CPT1A: variants seen among roughly 807,000 people sequenced by gnomAD.
CPT1A encodes carnitine palmitoyltransferase 1A, also known as carnitine O-palmitoyltransferase 1, liver isoform.
CPT1A carries 64 observed loss-of-function variants against 100.8 expected under a neutral mutation model. The observed-to-expected ratio is 0.63, with a 90% CI of 0.52 to 0.78. CPT1A has a LOEUF of 0.78. Ranked by LOEUF, CPT1A falls within the 30% of genes least tolerant of loss-of-function variation. CPT1A has a pLI of 0.00. For synonymous variants in CPT1A, 363 were observed against 396.0 expected, an observed-to-expected ratio of 0.92 and a Z score of 0.99; for missense variants, 802 against 1,034.1, an observed-to-expected ratio of 0.78 and a Z score of 3.08.
intron 10 of CPT1A, 33 bp downstream of exon 10, chr11:68,784,782 C>T (rs745883990): frequency 3.8e-6 from 6 of 1,598,252 alleles, no homozygotes; most frequent in East Asian, 2.2e-5. Flanking sequence ...TCCACCACCC[C>T]CCAAAACAGG....
chr11:68,833,020 C>A (rs1168131125), intron 1 of CPT1A, among the ~76,000 whole-genome samples: 1 of 152,204 alleles, frequency 6.6e-6, no homozygotes, highest in South Asian at 2.1e-4. Context: ...TTCTTGGATG[C>A]CCGGGTGACC....
intron 1 of CPT1A, among the ~76,000 whole-genome samples, chr11:68,828,124 C>G (rs1856780329): frequency 6.6e-6 from 1 of 152,186 alleles, no homozygotes. Flanking sequence ...CCTGCCTGCT[C>G]TACCAAAGTT....
chr11:68,779,142 G>A (rs982341740), intron 12 of CPT1A, among the ~76,000 whole-genome samples: 4 of 152,114 alleles, frequency 2.6e-5, no homozygotes, highest in South Asian at 2.1e-4. Context: ...CAAGAACAGC[G>A]AGGTGCTCAG....
At chr11:68,763,324 T>G (rs1294912689) in intron 14 of CPT1A, among the ~76,000 whole-genome samples, 1 of 146,592 alleles carries the variant, frequency 6.8e-6, no homozygotes, top group Non-Finnish European at 1.5e-5. Flanking sequence ...CACCCCCGAG[T>G]CCAACACACC....
At chr11:68,773,612 G>T (rs1480956308) in intron 13 of CPT1A, 183 bp from the exon 14 acceptor site, 2 of 1,069,326 alleles carry the variant, frequency 1.9e-6, no homozygotes, top group Non-Finnish European at 2.7e-6. Context: ...CCCCGGAGGA[G>T]CAGCTGCAAT....
chr11:68,761,532 T>G lies in CPT1A; in HGVS notation c.2028+3A>C, dbSNP rs756306465. 9.3e-6 allele frequency: 15 copies of G among 1,613,846 alleles called. No individual in the cohort carries two copies. The South Asian group carries it at 1.6e-4, about 18-fold the overall frequency. Reference sequence around the variant, plus strand: ...ACTGACGGAAGAAGTGGAAGAGACTTACTTCCTTAAGGAAAGGGGACTCCA... The same window carrying G: ...ACTGACGGAAGAAGTGGAAGAGACTGACTTCCTTAAGGAAAGGGGACTCCA... On this transcript the variant is annotated splice_donor_region_variant and intron_variant, in intron 16 of 18. Transcript: ENST00000265641.
chr11:68,781,782 T>C lies in CPT1A; in HGVS notation c.1341A>G (p.Arg447=), dbSNP rs2153997907. The change falls in exon 11 of 19, where the codon CGA becomes CGG. Residue 447 remains arginine (R), a synonymous_variant. Coordinates refer to ENST00000265641, the MANE Select transcript of CPT1A (RefSeq NM_001876.4). ...DSYAKSLLHG[R]CYDRWFDKSF... ...GGTAAGGACGGTACCTGTCGTAACA[T>C]CGGCCGTGTAGTAGAGATTTGGCGT... 2 of 1,614,164 alleles carry C rather than the reference T, an allele frequency of 1.2e-6. No individual in the cohort carries two copies. Among genetic ancestry groups the C allele is most frequent in the Non-Finnish European group, 1.7e-6 (2 of 1,180,032 alleles).
rs573943539 is a variant in CPT1A at position 68,768,322 on chromosome 11, ACCT to A, written c.1740+4940_1740+4942del. Among the ~76,000 whole-genome samples, 263 of 151,642 alleles carry A rather than the reference ACCT, an allele frequency of 1.7e-3. 1 individual carries two copies. The highest frequency in any genetic ancestry group is 0.01 in the Middle Eastern group (3 of 292). On this transcript the variant is annotated intron_variant, in intron 14 of 18. Coordinates refer to ENST00000265641, the MANE Select transcript of CPT1A (RefSeq NM_001876.4). ...GATCTTCTGACCTCATGATCCGCCC[ACCT>A]CAGCCTCCCAAAGTGCTGGGATTAC...
intron 1 of CPT1A, among the ~76,000 whole-genome samples, chr11:68,826,769 G>A (rs561712598): frequency 1.1e-4 from 16 of 151,596 alleles, no homozygotes; most frequent in South Asian, 6.3e-4. Flanking sequence ...GGCCCTCAGC[G>A]TGACTTTCTG....
At position 68,841,102 on chromosome 11, in the gene CPT1A, G is replaced by A. The variant is rs544700221; in HGVS notation, c.-14+673C>T. 6.6e-6 allele frequency among the ~76,000 whole-genome samples: 1 copy of A among 152,378 alleles called. No homozygotes were observed. Among genetic ancestry groups the A allele is most frequent in the African/African-American group, 2.4e-5 (1 of 41,594 alleles). On this transcript the variant is annotated intron_variant, in intron 1 of 18. Coordinates refer to ENST00000265641, the MANE Select transcript of CPT1A (RefSeq NM_001876.4). This position sits in a 1 kb window ranked among gnomAD's most constrained non-coding sequence, Gnocchi z 6.3. ...GGCTGCACCGCGAGGGCGGGCATGGGGAGGGGGACCGGGGAGACGGACGCT... is the reference window on the plus strand; with the variant it reads ...GGCTGCACCGCGAGGGCGGGCATGGAGAGGGGGACCGGGGAGACGGACGCT...
Position 68,807,534 on chromosome 11 carries a change from A to G in CPT1A, c.386T>C (p.Leu129Pro), listed in dbSNP as rs1219261135. The G allele has an allele frequency of 1.2e-6, 2 of 1,614,206 alleles. No individual in the cohort carries two copies. The highest frequency in any genetic ancestry group is 1.7e-6 in the Non-Finnish European group (2 of 1,180,038). ...IVTMRYSLKV[L>P]LSYHGWMFTE... ...GAACATCCACCCGTGGTAGGAGAGCAGCACTTTCAGGGAGTAGCGCATGGT... is the reference window on the plus strand; with the variant it reads ...GAACATCCACCCGTGGTAGGAGAGCGGCACTTTCAGGGAGTAGCGCATGGT... Residue 129 changes from leucine (L) to proline (P), a missense_variant, in exon 4 of 19, where the codon CTG becomes CCG. Transcript: ENST00000265641.
At chr11:68,770,719 G>A (rs1854963460) in intron 14 of CPT1A, among the ~76,000 whole-genome samples, 1 of 152,206 alleles carries the variant, frequency 6.6e-6, no homozygotes, top group Admixed American at 6.5e-5. Flanking sequence ...CACCGCTGGT[G>A]TACGCCACTG....
chr11:68,826,359 T>A (rs1856727998), intron 1 of CPT1A, among the ~76,000 whole-genome samples: 1 of 151,796 alleles, frequency 6.6e-6, no homozygotes, highest in Non-Finnish European at 1.5e-5. Context: ...GGCAGGAGAA[T>A]TGCTTGAACC....
chr11:68,825,947 G>A (rs941674377), intron 1 of CPT1A, among the ~76,000 whole-genome samples: 1 of 152,190 alleles, frequency 6.6e-6, no homozygotes, highest in Non-Finnish European at 1.5e-5. Flanking sequence ...GTGCCACCCA[G>A]CTCCTGGGCC....
At chr11:68,779,003 C>T (rs989530365) in intron 12 of CPT1A, among the ~76,000 whole-genome samples, 27 of 152,010 alleles carry the variant, frequency 1.8e-4, no homozygotes, top group African/African-American at 5.8e-4. Flanking sequence ...CCAGGATGGT[C>T]TCGTTCTCCT....
Position 68,841,690 on chromosome 11 carries a change from C to G in CPT1A, c.-14+85G>C, listed in dbSNP as rs926925135. ...GTCCCCCACCCGGTCCGGTTCCCGG[C>G]AGCCCCGCGCCCCGCCCGTCCCCGG... On this transcript the variant is annotated intron_variant, in intron 1 of 18. Coordinates refer to ENST00000265641, the MANE Select transcript of CPT1A (RefSeq NM_001876.4). The surrounding 1 kb of genome is among the most constrained non-coding windows in gnomAD (Gnocchi z 6.3). 75 of 744,222 alleles carry G rather than the reference C, an allele frequency of 1.0e-4. No individual in the cohort carries two copies. In the African/African-American group the frequency reaches 1.3e-3, roughly 13 times the overall value. The allele number at this position is 744,222 out of a possible 1,614,324, so 46.1% of individuals were successfully genotyped here.
chr11:68,792,636 G>A (rs563364338), intron 9 of CPT1A, among the ~76,000 whole-genome samples: 2 of 152,370 alleles, frequency 1.3e-5, no homozygotes, highest in East Asian at 3.9e-4. Flanking sequence ...CCCAGGTCAG[G>A]CAGCTGATAA....
At chr11:68,779,076 G>A (rs557113247) in intron 12 of CPT1A, among the ~76,000 whole-genome samples, 40 of 152,150 alleles carry the variant, frequency 2.6e-4, no homozygotes, top group Non-Finnish European at 4.7e-4. Context: ...GAGCCACCGC[G>A]CCTGGCCACT....
chr11:68,803,307 TG>T, intron 5 of CPT1A, among the ~76,000 whole-genome samples: 1 of 152,316 alleles, frequency 6.6e-6, no homozygotes, highest in Middle Eastern at 3.4e-3. Context: ...TCCCTCAGAT[TG>T]GCAAATCCAG....
Sources: gnomAD v4.1 joint callset for allele counts (sites outside exome capture counted in the v4.1 genomes callset) on GRCh38, gnomAD v4.1.1 for gene constraint, Gnocchi (gnomAD v3.1) non-coding constraint, MANE v1.5 for transcripts, NCBI Gene and HGNC (gene_info 2026-07-23, HGNC 2026-07-21) for gene names.